The following ALS2 variants were observed in gnomAD, a reference collection of about 807,000 sequenced individuals.
ALS2 encodes alsin.
A neutral mutation model predicts 203.4 loss-of-function variants in ALS2; 117 were observed. The ratio of observed to expected loss-of-function variants is 0.58; its 90% CI spans 0.50 to 0.67. The LOEUF (loss-of-function observed/expected upper bound fraction) is 0.67, where lower values mean the gene tolerates loss of function less well. Ranked by LOEUF, ALS2 falls within the 30% of genes least tolerant of loss-of-function variation. The pLI, the probability that ALS2 is intolerant of heterozygous loss-of-function variation, is 0.00. For missense variants in ALS2, 1,715 were observed against 1,989.4 expected, an observed-to-expected ratio of 0.86 and a Z score of 2.62; for synonymous variants, 718 against 725.9, an observed-to-expected ratio of 0.99 and a Z score of 0.17.
chr2:201,771,175 T>TA (rs1389053468), intron 1 of ALS2, among the ~76,000 whole-genome samples: 1 of 151,160 alleles, frequency 6.6e-6, no homozygotes, highest in Non-Finnish European at 1.5e-5. Flanking sequence ...GCCTCCCGAG[T>TA]AGCTGGGATT....
At chr2:201,754,054 A>G (rs1236006392) in intron 6 of ALS2, among the ~76,000 whole-genome samples, 1 of 147,080 alleles carries the variant, frequency 6.8e-6, no homozygotes, top group Non-Finnish European at 1.5e-5. Context: ...TCTTTTGCCC[A>G]GGCTGAAGTG....
intron 27 of ALS2, 85 bp from the exon 28 acceptor site, chr2:201,708,076 G>A: frequency 7.6e-6 from 10 of 1,314,514 alleles, no homozygotes; most frequent in Non-Finnish European, 1.1e-5. Context: ...TTAGTTATGA[G>A]AGCAAGCTTT....
rs1694014748 is a variant in ALS2 at position 201,765,184 on chromosome 2, A to G, written c.175+2045T>C. Among the ~76,000 whole-genome samples, 4 of 152,218 alleles carry G rather than the reference A, an allele frequency of 2.6e-5. No individual in the cohort carries two copies. The South Asian group carries it at 8.3e-4, about 32-fold the overall frequency. On this transcript the variant is annotated intron_variant, in intron 3 of 33. Transcript: ENST00000264276. The stretch of plus-strand genomic sequence containing the variant: ...GGCTAATTTTTAAAATATTTCTTGT[A>G]GAAACATGGTCTCCCTATGTTGCCC...
chr2:201,756,320 A>G (rs1693385957), intron 5 of ALS2, among the ~76,000 whole-genome samples: 1 of 151,376 alleles, frequency 6.6e-6, no homozygotes, highest in African/African-American at 2.4e-5. Flanking sequence ...ATATATACAT[A>G]TATATTCACA....
chr2:201,732,399 CAAAAAAA>C (rs11288102), intron 13 of ALS2, among the ~76,000 whole-genome samples: 4 of 85,136 alleles, frequency 4.7e-5, no homozygotes, highest in East Asian at 3.4e-4. Context: ...ACTAAAAATA[CAAAAAAA>C]AAAAAAAAAA....
chr2:201,779,978 C>G (rs1433741146), intron 1 of ALS2: 2 of 152,146 alleles, frequency 1.3e-5, no homozygotes, highest in African/African-American at 4.8e-5. Flanking sequence ...AAGTTTTGTA[C>G]CTGCTCAGAA....
rs185084517 is a variant in ALS2 at position 201,732,677 on chromosome 2, C to T, written c.2580+599G>A. ...AGAAACAAAATGAAATCACATATTT[C>T]GATGGGATTTGAAAGGTGAATGTCT... On this transcript the variant is annotated intron_variant, in intron 13 of 33. Transcript: ENST00000264276. Among the ~76,000 whole-genome samples the T allele has an allele frequency of 4.5e-3, 678 of 152,246 alleles. 4 individuals are homozygous for T. The highest frequency in any genetic ancestry group is 0.029 in the South Asian group (140 of 4,820).
At chr2:201,775,408 A>G (rs766605919) in intron 1 of ALS2, among the ~76,000 whole-genome samples, 8 of 152,242 alleles carry the variant, frequency 5.3e-5, no homozygotes, top group Non-Finnish European at 1.2e-4. Context: ...CAGAGTTTAC[A>G]CTTTGCAGTA....
chr2:201,756,253 T>C (rs1214224421), intron 5 of ALS2, among the ~76,000 whole-genome samples: 1 of 151,680 alleles, frequency 6.6e-6, no homozygotes, highest in Non-Finnish European at 1.5e-5. Flanking sequence ...TGGTGCAAGA[T>C]TCTCCTTCAG....
At chr2:201,725,117 A>T (rs1412393360) in intron 20 of ALS2, among the ~76,000 whole-genome samples, 1 of 152,018 alleles carries the variant, frequency 6.6e-6, no homozygotes, top group Non-Finnish European at 1.5e-5. Flanking sequence ...CATCTCAAAA[A>T]AAAAAAAAAA....
At chr2:201,771,587 T>C (rs1694385265) in intron 1 of ALS2, among the ~76,000 whole-genome samples, 1 of 152,212 alleles carries the variant, frequency 6.6e-6, no homozygotes, top group Admixed American at 6.5e-5. Context: ...CTTTCTCAAT[T>C]ACGTATCCAT....
chr2:201,721,386 A>G (rs1356865902), intron 23 of ALS2, among the ~76,000 whole-genome samples: 1 of 152,204 alleles, frequency 6.6e-6, no homozygotes, highest in Non-Finnish European at 1.5e-5. Flanking sequence ...AATTTGGAGG[A>G]CTTATATTCC....
chr2:201,749,180 A>G (rs1171478899), intron 8 of ALS2, among the ~76,000 whole-genome samples: 1 of 151,846 alleles, frequency 6.6e-6, no homozygotes, highest in African/African-American at 2.4e-5. Flanking sequence ...CCAATCTCTC[A>G]ATGGCATTAC....
Position 201,779,898 on chromosome 2 carries a change from C to T in ALS2, c.-61+979G>A, listed in dbSNP as rs1694819822. The T allele has an allele frequency of 2.0e-5, 3 of 152,282 alleles. No homozygotes were observed. The South Asian group carries it at 6.2e-4, about 32-fold the overall frequency. The allele number at this position is 152,282 out of a possible 1,614,324, so 9.4% of individuals were successfully genotyped here. ...CACTGCTTTAAATTATTCATTAACTCAAAGGTCAACCGGTCACTCCAAATC... is the reference window on the plus strand; with the variant it reads ...CACTGCTTTAAATTATTCATTAACTTAAAGGTCAACCGGTCACTCCAAATC... On this transcript the variant is annotated intron_variant, in intron 1 of 33. Coordinates refer to ENST00000264276, the MANE Select transcript of ALS2 (RefSeq NM_020919.4).
chr2:201,727,206 A>G lies in ALS2; in HGVS notation c.2979+6T>C. 1.2e-6 allele frequency: 2 copies of G among 1,608,672 alleles called. No individual in the cohort carries two copies. The highest frequency in any genetic ancestry group is 2.2e-5 in the South Asian group (2 of 90,970). The stretch of plus-strand genomic sequence containing the variant: ...AGATTGAAGGAAAATACCATAATAG[A>G]CTAACCTTTTCCTGGGGTGTAGATG... On this transcript the variant is annotated splice_donor_region_variant and intron_variant, in intron 17 of 33. Transcript: ENST00000264276.
chr2:201,725,235 CT>C (rs1161094739), intron 20 of ALS2, 120 bp downstream of exon 20: 2 of 793,992 alleles, frequency 2.5e-6, no homozygotes, highest in African/African-American at 3.4e-5. Flanking sequence ...ATTTACTCCT[CT>C]AAATTTTATC....
chr2:201,760,477 GAA>G (rs1693693904), intron 4 of ALS2: 1 of 999,490 alleles, frequency 1.0e-6, no homozygotes, highest in Middle Eastern at 5.1e-4. Flanking sequence ...GTTAAAGAAG[GAA>G]AAGACTTTTC....
chr2:201,715,263 A>G (rs888203357), intron 25 of ALS2, among the ~76,000 whole-genome samples: 2 of 152,008 alleles, frequency 1.3e-5, no homozygotes, highest in Non-Finnish European at 2.9e-5. Flanking sequence ...TCCCTTTGTC[A>G]CTCCTTGAGC....
intron 3 of ALS2, among the ~76,000 whole-genome samples, chr2:201,766,250 A>G (rs1461746008): frequency 3.3e-5 from 5 of 152,108 alleles, no homozygotes; most frequent in Non-Finnish European, 5.9e-5. Context: ...TAAAACTATA[A>G]CTCTCCCTTT....
Sources: gnomAD v4.1 joint callset for allele counts (sites outside exome capture counted in the v4.1 genomes callset) on GRCh38, gnomAD v4.1.1 for gene constraint, MANE v1.5 for transcripts, NCBI Gene and HGNC (gene_info 2026-07-23, HGNC 2026-07-21) for gene names.